Variants in TAGLN observed in about 807,000 individuals in gnomAD.
TAGLN encodes the protein 22 kDa actin-binding protein.
Under a neutral mutation model 21.9 loss-of-function variants are expected in TAGLN, and 16 were observed. The observed-to-expected ratio is 0.73, with a 90% CI of 0.49 to 1.11. The LOEUF (loss-of-function observed/expected upper bound fraction) is 1.11. TAGLN is among the 50% of genes least tolerant of loss of function. The pLI is 0.00. For synonymous variants in TAGLN, 96 were observed against 94.9 expected, an observed-to-expected ratio of 1.01 and a Z score of -0.06; for missense variants, 248 against 263.2, an observed-to-expected ratio of 0.94 and a Z score of 0.40.
Position 117,206,925 on chromosome 11 carries a change from T to G in TAGLN, c.*2566T>G. On this transcript the variant is annotated 3_prime_UTR_variant, in exon 5 of 5. Coordinates refer to ENST00000392951, the MANE Select transcript of TAGLN (RefSeq NM_003186.5). The stretch of plus-strand genomic sequence containing the variant: ...CACAGCAAAAAGGAGAGGCCCAGAC[T>G]GTGAGTTCCCAGCCCGGGGCTCCAT... 1 of 959,430 alleles carries G rather than the reference T, an allele frequency of 1.0e-6. No individual in the cohort carries two copies. The highest frequency in any genetic ancestry group is 1.7e-6 in the Non-Finnish European group (1 of 590,332). The allele number at this position is 959,430 out of a possible 1,614,324, so 59.4% of individuals were successfully genotyped here. A position where few individuals can be genotyped will look rare whatever the true frequency, so the allele number is the denominator to read the frequency against.
chr11:117,202,980 C>T, intron 1 of TAGLN, 22 bp from the exon 2 acceptor site: 1 of 1,528,292 alleles, frequency 6.5e-7, no homozygotes, highest in Non-Finnish European at 8.8e-7. Context: ...GCCCCTCCCT[C>T]CTCCACCCTG....
At position 117,204,400 on chromosome 11, in the gene TAGLN, C is replaced by A; in HGVS notation, c.*41C>A. 1 of 1,613,908 alleles carries A rather than the reference C, an allele frequency of 6.2e-7. No individual in the cohort carries two copies. Among genetic ancestry groups the A allele is most frequent in the African/African-American group, 1.3e-5 (1 of 75,060 alleles). On this transcript the variant is annotated 3_prime_UTR_variant, in exon 5 of 5. Transcript: ENST00000392951. ...CCCTGAGCCCGGCCCTCCCCCAGCT[C>A]CTTGGCTGCAGCCATCCCGCTTAGC...
chr11:117,204,474 A>G lies in TAGLN; in HGVS notation c.*115A>G. The G allele has an allele frequency of 6.6e-7, 1 of 1,505,950 alleles. No individual in the cohort carries two copies. 93.3% of individuals were successfully genotyped at this position (1,505,950 alleles called of 1,614,324 possible). A position where few individuals can be genotyped will look rare whatever the true frequency, so the allele number is the denominator to read the frequency against. On this transcript the variant is annotated 3_prime_UTR_variant, in exon 5 of 5. Coordinates refer to ENST00000392951, the MANE Select transcript of TAGLN (RefSeq NM_003186.5). ...TACCTTCAGCCCTGGCCAAGCTTTG[A>G]GGCTCTGTCACTGAGCAATGGTAAC...
In TAGLN at chr11:117,204,999, GA is replaced by G; in HGVS notation, c.*645del. ...GAGAGTGAATCTTGGGGACCGAAGG[GA>G]AAAAGGAGCCACTCAGCAGCATGCA... On this transcript the variant is annotated 3_prime_UTR_variant, in exon 5 of 5. Coordinates refer to ENST00000392951, the MANE Select transcript of TAGLN (RefSeq NM_003186.5). The G allele has an allele frequency of 2.0e-5, 4 of 198,460 alleles. No individual in the cohort carries two copies. Among genetic ancestry groups the G allele is most frequent in the Non-Finnish European group, 3.1e-5 (3 of 95,804 alleles). 12.3% of individuals were successfully genotyped at this position (198,460 alleles called of 1,614,324 possible).
At position 117,204,693 on chromosome 11, in the gene TAGLN, C is replaced by T; in HGVS notation, c.*334C>T. The T allele has an allele frequency of 4.9e-6, 2 of 406,722 alleles. No homozygotes were observed. Among genetic ancestry groups the T allele is most frequent in the Non-Finnish European group, 9.3e-6 (2 of 215,616 alleles). The allele number at this position is 406,722 out of a possible 1,614,324, so 25.2% of individuals were successfully genotyped here. Reference sequence around the variant, plus strand: ...CCACTGTCCTCCTTGGCGGCAAAAGCCCATTGAAGAAGAACCAGCCCAGCC... The same window carrying T: ...CCACTGTCCTCCTTGGCGGCAAAAGTCCATTGAAGAAGAACCAGCCCAGCC... On this transcript the variant is annotated 3_prime_UTR_variant, in exon 5 of 5. Coordinates refer to ENST00000392951, the MANE Select transcript of TAGLN (RefSeq NM_003186.5).
At position 117,203,713 on chromosome 11, in the gene TAGLN, G is replaced by A. The variant is rs2031204819; in HGVS notation, c.359-69G>A. 3 of 1,507,150 alleles carry A rather than the reference G, an allele frequency of 2.0e-6. No homozygotes were observed. Among genetic ancestry groups the A allele is most frequent in the Non-Finnish European group, 2.8e-6 (3 of 1,089,860 alleles). 93.4% of individuals were successfully genotyped at this position (1,507,150 alleles called of 1,614,324 possible). On this transcript the variant is annotated intron_variant, in intron 3 of 4. Transcript: ENST00000392951. The surrounding 1 kb of genome is among the most constrained non-coding windows in gnomAD (Gnocchi z 4.4). ...GGCCATTTTTTTGTGAGAGACGGGG[G>A]CAGGCCCTGGCTTGGAGTCTTGTTT... is the stretch of plus-strand genomic sequence containing the variant.
chr11:117,201,895 AAC>A (rs914548047), intron 1 of TAGLN: 5 of 152,296 alleles, frequency 3.3e-5, no homozygotes, highest in Non-Finnish European at 7.3e-5. Flanking sequence ...TCTTCAGACA[AAC>A]ACTGGAGAGA....
At position 117,204,602 on chromosome 11, in the gene TAGLN, T is replaced by C; in HGVS notation, c.*243T>C. ...CCCTCCCGGCTGCCCCCATCACCTC[T>C]ACTGTCTCCTCCCTGGGCTAAGCAG... On this transcript the variant is annotated 3_prime_UTR_variant, in exon 5 of 5. Coordinates refer to ENST00000392951, the MANE Select transcript of TAGLN (RefSeq NM_003186.5). The C allele has an allele frequency of 1.6e-6, 1 of 611,042 alleles. No homozygotes were observed. The highest frequency in any genetic ancestry group is 3.0e-6 in the Non-Finnish European group (1 of 334,210). The allele number at this position is 611,042 out of a possible 1,614,324, so 37.9% of individuals were successfully genotyped here.
In TAGLN at chr11:117,204,451, C is replaced by G. The variant is rs1474000147; in HGVS notation, c.*92C>G. ...CTGCCTCACCCACACCCGTGTGGTA[C>G]CTTCAGCCCTGGCCAAGCTTTGAGG... On this transcript the variant is annotated 3_prime_UTR_variant, in exon 5 of 5. Transcript: ENST00000392951. The G allele has an allele frequency of 6.4e-7, 1 of 1,573,292 alleles. No individual in the cohort carries two copies. The highest frequency in any genetic ancestry group is 8.7e-7 in the Non-Finnish European group (1 of 1,150,482).
intron 1 of TAGLN, among the ~76,000 whole-genome samples, chr11:117,200,008 ACTGT>A (rs1484331431): frequency 6.7e-6 from 1 of 149,312 alleles, no homozygotes; most frequent in South Asian, 2.2e-4. Flanking sequence ...AGCCCCTTCC[ACTGT>A]CTGACAGTGG....
chr11:117,203,587 C>A lies in TAGLN; in HGVS notation c.358+103C>A. 2 of 1,387,454 alleles carry A rather than the reference C, an allele frequency of 1.4e-6. No homozygotes were observed. The highest frequency in any genetic ancestry group is 9.9e-7 in the Non-Finnish European group (1 of 1,005,580). The allele number at this position is 1,387,454 out of a possible 1,614,324, so 85.9% of individuals were successfully genotyped here. A position where few individuals can be genotyped will look rare whatever the true frequency, so the allele number is the denominator to read the frequency against. On this transcript the variant is annotated intron_variant, in intron 3 of 4. Transcript: ENST00000392951. The surrounding 1 kb of genome is among the most constrained non-coding windows in gnomAD (Gnocchi z 4.4). ...TGCCACAACTAGGGGTGTGCTTGCC[C>A]GCACACAGCAGGGATGGGATATGCC...
At position 117,204,468 on chromosome 11, in the gene TAGLN, G is replaced by A. The variant is rs1452416532; in HGVS notation, c.*109G>A. Reference sequence around the variant, plus strand: ...GTGTGGTACCTTCAGCCCTGGCCAAGCTTTGAGGCTCTGTCACTGAGCAAT... The same window carrying A: ...GTGTGGTACCTTCAGCCCTGGCCAAACTTTGAGGCTCTGTCACTGAGCAAT... On this transcript the variant is annotated 3_prime_UTR_variant, in exon 5 of 5. Coordinates refer to ENST00000392951, the MANE Select transcript of TAGLN (RefSeq NM_003186.5). The A allele has an allele frequency of 6.5e-7, 1 of 1,530,344 alleles. No homozygotes were observed. Among genetic ancestry groups the A allele is most frequent in the Non-Finnish European group, 8.9e-7 (1 of 1,119,240 alleles). 94.8% of individuals were successfully genotyped at this position (1,530,344 alleles called of 1,614,324 possible).
intron 1 of TAGLN, chr11:117,201,582 C>T (rs2031095800): frequency 6.6e-6 from 1 of 152,274 alleles, no homozygotes; most frequent in African/African-American, 2.4e-5. Flanking sequence ...TTTCACAGCC[C>T]TCTGAGGTTG....
intron 4 of TAGLN, 129 bp downstream of exon 4, chr11:117,204,013 T>A: frequency 9.5e-7 from 1 of 1,048,018 alleles, no homozygotes; most frequent in Non-Finnish European, 1.4e-6. Context: ...GGATGGGGAA[T>A]AATGGGTCCT....
In TAGLN at chr11:117,206,092, G is replaced by A. The variant is rs1368623450; in HGVS notation, c.*1733G>A. On this transcript the variant is annotated 3_prime_UTR_variant, in exon 5 of 5. Coordinates refer to ENST00000392951, the MANE Select transcript of TAGLN (RefSeq NM_003186.5). ...TTCTGGGACAGGCTCCAGTCCCCTT[G>A]CTCCAGCAGGTCTGGGGCAAGGAGG... 7 of 1,565,038 alleles carry A rather than the reference G, an allele frequency of 4.5e-6. No homozygotes were observed. The Admixed American group carries it at 1.2e-4, about 27-fold the overall frequency.
intron 1 of TAGLN, chr11:117,199,702 A>G (rs1025276046): frequency 6.6e-6 from 1 of 152,308 alleles, no homozygotes; most frequent in Non-Finnish European, 1.5e-5. Flanking sequence ...GATGGAAACC[A>G]CCGGGGTGAG....
In TAGLN at chr11:117,206,457, G is replaced by A. The variant is rs533138921; in HGVS notation, c.*2098G>A. On this transcript the variant is annotated 3_prime_UTR_variant, in exon 5 of 5. Coordinates refer to ENST00000392951, the MANE Select transcript of TAGLN (RefSeq NM_003186.5). ...CTCAGAAAGTCTTTTTCCTTCTAGG[G>A]ACTGCCTTTTTCACCCAAACTGTTC... 1.5e-5 allele frequency: 23 copies of A among 1,503,636 alleles called. No homozygotes were observed. The South Asian group carries it at 2.7e-4, about 18-fold the overall frequency. 93.1% of individuals were successfully genotyped at this position (1,503,636 alleles called of 1,614,324 possible). A position where few individuals can be genotyped will look rare whatever the true frequency, so the allele number is the denominator to read the frequency against.
In TAGLN at chr11:117,203,848, A is replaced by T. The variant is rs771877408; in HGVS notation, c.425A>T (p.Asp142Val). The change falls in exon 4 of 5, where the codon GAT (aspartate) becomes GTT (valine). Residue 142 changes from aspartate to valine, a missense_variant. Transcript: ENST00000392951. This position sits in a 1 kb window ranked among gnomAD's most constrained non-coding sequence, Gnocchi z 4.4. ...ALGSLAVTKN[D>V]GHYRGDPNWF... ...GGCAGCTTGGCAGTGACCAAGAATG[A>T]TGGGCACTACCGTGGAGATCCCAAC... The T allele has an allele frequency of 2.1e-5, 34 of 1,613,902 alleles. No individual in the cohort carries two copies. Among genetic ancestry groups the T allele is most frequent in the Non-Finnish European group, 2.7e-5 (32 of 1,179,952 alleles).
In TAGLN at chr11:117,203,239, A is replaced by G. The variant is rs772477046; in HGVS notation, c.180+46A>G. 6.9e-6 allele frequency: 11 copies of G among 1,597,496 alleles called. No homozygotes were observed. The Middle Eastern group carries it at 6.7e-4, about 97-fold the overall frequency. On this transcript the variant is annotated intron_variant, in intron 2 of 4. Transcript: ENST00000392951. The surrounding 1 kb of genome is among the most constrained non-coding windows in gnomAD (Gnocchi z 4.4). The stretch of plus-strand genomic sequence containing the variant: ...GGGCGCTGGGGGGCTGGGGTGTGCC[A>G]CCCTGTGAGTCCTGGGCCAATCCCT...
Sources: allele counts gnomAD v4.1 joint callset (sites outside exome capture counted in the v4.1 genomes callset), GRCh38; gene constraint gnomAD v4.1.1; non-coding constraint Gnocchi (gnomAD v3.1); transcripts MANE v1.5; gene names NCBI Gene and HGNC (gene_info 2026-07-23, HGNC 2026-07-21).